Variants in MAP3K7 observed in about 807,000 individuals in gnomAD.
MAP3K7 encodes mitogen-activated protein kinase kinase kinase 7.
MAP3K7 carries 21 observed loss-of-function variants against 84.8 expected under a neutral mutation model. That is an observed-to-expected ratio of 0.25 (90% CI 0.18 to 0.36). MAP3K7 has a LOEUF of 0.36. MAP3K7 is among the 10% of genes least tolerant of loss of function. The pLI, the probability that MAP3K7 is intolerant of heterozygous loss-of-function variation, is 1.00. For missense variants in MAP3K7, 503 were observed against 747.7 expected, an observed-to-expected ratio of 0.67 and a Z score of 3.82; for synonymous variants, 241 against 247.7, an observed-to-expected ratio of 0.97 and a Z score of 0.25.
chr6:90,580,985 A>G (rs940832015), intron 1 of MAP3K7, among the ~76,000 whole-genome samples: 1 of 152,260 alleles, frequency 6.6e-6, no homozygotes, highest in Admixed American at 6.5e-5. Flanking sequence ...ATTTAAATTT[A>G]ATTTCTTAAT....
intron 1 of MAP3K7, among the ~76,000 whole-genome samples, chr6:90,574,656 T>C (rs1777013275): frequency 6.6e-6 from 1 of 152,220 alleles, no homozygotes; most frequent in South Asian, 2.1e-4. Context: ...TTGAGGAACG[T>C]CCATGCAGGG....
Position 90,561,678 on chromosome 6 carries a change from CAT to C in MAP3K7, c.298-13_298-12del, listed in dbSNP as rs1268100995. ...CATCACAAGACACACCTAAAGGAAA[CAT>C]ATATCAGAAGCATTAACCAAGAAGC... On this transcript the variant is annotated splice_polypyrimidine_tract_variant and intron_variant, in intron 3 of 16. Transcript: ENST00000369329. 2 of 1,605,906 alleles carry C rather than the reference CAT, an allele frequency of 1.2e-6. No homozygotes were observed. The highest frequency in any genetic ancestry group is 2.2e-5 in the East Asian group (1 of 44,734).
At chr6:90,531,940 C>A (rs205345) in intron 13 of MAP3K7, among the ~76,000 whole-genome samples, 1 of 149,134 alleles carries the variant, frequency 6.7e-6, no homozygotes, top group Admixed American at 6.7e-5. Context: ...TGGCTGACAG[C>A]GGGGACTGTG....
At chr6:90,536,524 A>G (rs943868040) in intron 12 of MAP3K7, 123 bp from the exon 13 acceptor site, 38 of 658,798 alleles carry the variant, frequency 5.8e-5, no homozygotes, top group African/African-American at 1.1e-4. Flanking sequence ...GTTTGTGGGG[A>G]AAAAAAAGTG....
chr6:90,573,990 T>G (rs1776988696), intron 1 of MAP3K7, among the ~76,000 whole-genome samples: 2 of 152,358 alleles, frequency 1.3e-5, no homozygotes, highest in South Asian at 4.1e-4. Flanking sequence ...GGGTACTGGC[T>G]ACCTGGTACC....
intron 3 of MAP3K7, among the ~76,000 whole-genome samples, chr6:90,565,784 C>T (rs774432848): frequency 1.5e-4 from 23 of 152,154 alleles, no homozygotes; most frequent in Non-Finnish European, 2.9e-4. Context: ...AGACCAATAT[C>T]CCTGATGAAC....
At chr6:90,570,229 T>C (rs1170317516) in intron 2 of MAP3K7, among the ~76,000 whole-genome samples, 1 of 152,114 alleles carries the variant, frequency 6.6e-6, no homozygotes, top group Non-Finnish European at 1.5e-5. Context: ...GCATACATTT[T>C]TGGAAGCTGG....
intron 11 of MAP3K7, among the ~76,000 whole-genome samples, chr6:90,546,924 A>T (rs1255887540): frequency 6.6e-6 from 1 of 152,036 alleles, no homozygotes; most frequent in Non-Finnish European, 1.5e-5. Context: ...GTATCACTGA[A>T]AATCCCCAAA....
chr6:90,563,979 G>A (rs901618498), intron 3 of MAP3K7, among the ~76,000 whole-genome samples: 2 of 152,144 alleles, frequency 1.3e-5, no homozygotes, highest in Non-Finnish European at 2.9e-5. Flanking sequence ...AGCTTCATAG[G>A]TGAGGGAGAA....
chr6:90,527,272 T>G (rs1190000619), intron 13 of MAP3K7, among the ~76,000 whole-genome samples: 1 of 150,526 alleles, frequency 6.6e-6, no homozygotes, highest in Non-Finnish European at 1.5e-5. Context: ...CTTTCTTTCT[T>G]TTTTTTTTGA....
At chr6:90,535,306 A>G (rs549741047) in intron 13 of MAP3K7, among the ~76,000 whole-genome samples, 1 of 152,028 alleles carries the variant, frequency 6.6e-6, no homozygotes, top group East Asian at 1.9e-4. Flanking sequence ...ATAATAAAAT[A>G]CCTTTTTAGG....
intron 13 of MAP3K7, among the ~76,000 whole-genome samples, chr6:90,529,439 G>C (rs1775428281): frequency 1.3e-5 from 2 of 152,170 alleles, no homozygotes. Flanking sequence ...ACCTGTGTAA[G>C]TAACTTAGCC....
chr6:90,569,350 G>A (rs1353766964), intron 2 of MAP3K7, among the ~76,000 whole-genome samples: 1 of 152,120 alleles, frequency 6.6e-6, no homozygotes, highest in Non-Finnish European at 1.5e-5. Context: ...CTGAACTGCT[G>A]CAGTGATCAT....
chr6:90,560,003 G>C, intron 5 of MAP3K7, 73 bp downstream of exon 5: 1 of 1,545,890 alleles, frequency 6.5e-7, no homozygotes, highest in Non-Finnish European at 8.9e-7. Flanking sequence ...TTGAATTAGA[G>C]AGTGGGTTCG....
chr6:90,568,521 T>C (rs1776792355), intron 3 of MAP3K7, 37 bp downstream of exon 3: 4 of 1,560,218 alleles, frequency 2.6e-6, no homozygotes, highest in Non-Finnish European at 3.5e-6. Flanking sequence ...TGCCATGTCA[T>C]TTCTCACAGG....
chr6:90,552,729 T>C (rs963489898), intron 7 of MAP3K7, among the ~76,000 whole-genome samples: 11 of 152,212 alleles, frequency 7.2e-5, no homozygotes, highest in African/African-American at 2.7e-4. Flanking sequence ...GTAACTTTAC[T>C]AATGAAGAGG....
chr6:90,574,093 T>C (rs1445286164), intron 1 of MAP3K7, among the ~76,000 whole-genome samples: 1 of 152,220 alleles, frequency 6.6e-6, no homozygotes, highest in African/African-American at 2.4e-5. Flanking sequence ...CTCTTAATGG[T>C]GGACAAGTTT....
rs991057277 is a variant in MAP3K7, at chr6:90,586,426, C to G, written c.120+338G>C. 2.0e-5 allele frequency among the ~76,000 whole-genome samples: 3 copies of G among 150,016 alleles called. No individual in the cohort carries two copies. In the South Asian group the frequency reaches 6.4e-4, roughly 32 times the overall value. On this transcript the variant is annotated intron_variant, in intron 1 of 16. Transcript: ENST00000369329. ...GAACATTACGTCCAGCGGACTGAAA[C>G]TCCAGAACGGCTACGATCTTCGCTG... is the stretch of plus-strand genomic sequence containing the variant.
intron 1 of MAP3K7, among the ~76,000 whole-genome samples, chr6:90,578,626 T>G (rs763219920): frequency 6.6e-6 from 1 of 152,074 alleles, no homozygotes; most frequent in Admixed American, 6.5e-5. Context: ...CATATATCCA[T>G]AAGAGTAGAA....
Sources: allele counts gnomAD v4.1 joint callset (sites outside exome capture counted in the v4.1 genomes callset), GRCh38; gene constraint gnomAD v4.1.1; transcripts MANE v1.5; gene names NCBI Gene and HGNC (gene_info 2026-07-23, HGNC 2026-07-21).